The following AK5 variants were observed in gnomAD, a reference collection of about 807,000 sequenced individuals.
AK5 encodes adenylate kinase 5, also known as adenylate kinase isoenzyme 5.
Under a neutral mutation model 69.5 loss-of-function variants are expected in AK5, and 27 were observed. That is an observed-to-expected ratio of 0.39 (90% confidence interval 0.29 to 0.54). The LOEUF is 0.54. Ranked by LOEUF, AK5 falls within the 20% of genes least tolerant of loss-of-function variation. The pLI is 0.71. For synonymous variants in AK5, 260 were observed against 244.4 expected (o/e 1.06, Z -0.60); for missense variants, 531 against 700.4 (o/e 0.76, Z 2.73).
intron 5 of AK5, among the ~76,000 whole-genome samples, chr1:77,307,389 A>T (rs930660009): frequency 3.3e-5 from 5 of 151,472 alleles, no homozygotes; most frequent in African/African-American, 1.2e-4. Flanking sequence ...TTGTATAATT[A>T]TATATCACAT....
Position 77,391,349 on chromosome 1 carries a change from TA to T in AK5, c.892-19631del, listed in dbSNP as rs1260721986. Among the ~76,000 whole-genome samples, 5 of 149,722 alleles carry T rather than the reference TA, an allele frequency of 3.3e-5. No individual in the cohort carries two copies. The Admixed American group carries it at 3.4e-4, about 10-fold the overall frequency. On this transcript the variant is annotated intron_variant, in intron 6 of 13. Transcript: ENST00000354567. ...GAGGCATAGGCACATCACCCTGGTA[TA>T]CATTTATTTGTCTGTCTCAGTACTT... is the stretch of plus-strand genomic sequence containing the variant.
intron 5 of AK5, among the ~76,000 whole-genome samples, chr1:77,299,612 G>T (rs1341705088): frequency 6.6e-6 from 1 of 152,100 alleles, no homozygotes; most frequent in East Asian, 1.9e-4. Context: ...AATTGTTCTG[G>T]CTTTGAAGAG....
At chr1:77,388,691 C>T (rs913222163) in intron 6 of AK5, among the ~76,000 whole-genome samples, 4 of 149,762 alleles carry the variant, frequency 2.7e-5, no homozygotes, top group Non-Finnish European at 5.9e-5. Flanking sequence ...TAAAGCCTGA[C>T]ATTTAAGAAA....
At chr1:77,343,215 G>A (rs12125503) in intron 6 of AK5, among the ~76,000 whole-genome samples, 14,493 of 152,128 alleles carry the variant, frequency 0.095, 812 homozygotes, top group Middle Eastern at 0.17. Context: ...GAATAAAATA[G>A]ACTGTCTCCA....
At chr1:77,310,517 C>G (rs911420586) in intron 5 of AK5, among the ~76,000 whole-genome samples, 1 of 151,932 alleles carries the variant, frequency 6.6e-6, no homozygotes, top group African/African-American at 2.4e-5. Flanking sequence ...GTAGCTGGGA[C>G]TACAGGCACT....
intron 1 of AK5, among the ~76,000 whole-genome samples, chr1:77,285,071 T>G (rs1175286878): frequency 6.6e-6 from 1 of 152,190 alleles, no homozygotes; most frequent in East Asian, 1.9e-4. Flanking sequence ...AACATTGAAT[T>G]GAAATCCTGG....
intron 10 of AK5, among the ~76,000 whole-genome samples, chr1:77,507,809 C>G (rs1377942971): frequency 6.6e-6 from 1 of 152,222 alleles, no homozygotes; most frequent in African/African-American, 2.4e-5. Flanking sequence ...ATTATCTAAT[C>G]TAGAAGTTCC....
intron 10 of AK5, among the ~76,000 whole-genome samples, chr1:77,501,071 T>C (rs2803152): frequency 0.42 from 63,724 of 151,940 alleles, 14,289 homozygotes; most frequent in East Asian, 0.58. Flanking sequence ...AAGCTGAGAA[T>C]CGAGGGGAGT....
chr1:77,526,840 C>G (rs781694252), intron 12 of AK5, among the ~76,000 whole-genome samples: 2 of 151,250 alleles, frequency 1.3e-5, no homozygotes, highest in Admixed American at 1.3e-4. Context: ...CTCAAATGAT[C>G]GAGGACAAGA....
chr1:77,558,850 C>T lies in AK5; in HGVS notation c.*180C>T. The T allele has an allele frequency of 1.7e-6, 1 of 595,508 alleles. No individual in the cohort carries two copies. The allele number at this position is 595,508 out of a possible 1,614,324, so 36.9% of individuals were successfully genotyped here. Reference sequence around the variant, plus strand: ...GTGTGAGAGGTGTCTGGAAATCATGCATGGTGTATTTGGGACTATATCAAC... The same window carrying T: ...GTGTGAGAGGTGTCTGGAAATCATGTATGGTGTATTTGGGACTATATCAAC... On this transcript the variant is annotated 3_prime_UTR_variant, in exon 14 of 14. Coordinates refer to ENST00000354567, the MANE Select transcript of AK5 (RefSeq NM_174858.3).
chr1:77,348,083 A>T (rs1322896075), intron 6 of AK5, among the ~76,000 whole-genome samples: 5 of 152,222 alleles, frequency 3.3e-5, no homozygotes, highest in African/African-American at 7.2e-5. Context: ...AGAACTTTAA[A>T]AATGAACAAC....
intron 5 of AK5, among the ~76,000 whole-genome samples, chr1:77,310,161 A>T (rs572499409): frequency 6.6e-6 from 1 of 152,222 alleles, no homozygotes; most frequent in Admixed American, 6.5e-5. Flanking sequence ...GGAAATGAAA[A>T]ATGTATTCAG....
intron 6 of AK5, among the ~76,000 whole-genome samples, chr1:77,372,831 G>T (rs1378827838): frequency 6.6e-6 from 1 of 151,962 alleles, no homozygotes; most frequent in Non-Finnish European, 1.5e-5. Flanking sequence ...ATGAGTTAGT[G>T]CCAAATATTT....
chr1:77,438,659 A>G (rs1652121090), intron 8 of AK5, among the ~76,000 whole-genome samples: 1 of 152,174 alleles, frequency 6.6e-6, no homozygotes, highest in Non-Finnish European at 1.5e-5. Flanking sequence ...GCATAACCAG[A>G]CCAAAATGAA....
intron 10 of AK5, among the ~76,000 whole-genome samples, chr1:77,510,680 C>T (rs982415913): frequency 4.6e-5 from 7 of 151,746 alleles, no homozygotes; most frequent in Non-Finnish European, 7.4e-5. Context: ...AAAAAGAGAG[C>T]GTCAAGTTCT....
At chr1:77,511,474 T>C (rs1341204135) in intron 10 of AK5, among the ~76,000 whole-genome samples, 1 of 152,132 alleles carries the variant, frequency 6.6e-6, no homozygotes, top group Non-Finnish European at 1.5e-5. Flanking sequence ...AATGAGACAG[T>C]CTTCATCTTA....
intron 12 of AK5, chr1:77,532,051 C>T (rs1043169601): frequency 1.3e-5 from 2 of 152,126 alleles, no homozygotes; most frequent in African/African-American, 4.8e-5. Flanking sequence ...ACCTGGAGCT[C>T]TGCGCACGCG....
At chr1:77,352,403 A>G (rs1283441701) in intron 6 of AK5, among the ~76,000 whole-genome samples, 1 of 152,226 alleles carries the variant, frequency 6.6e-6, no homozygotes, top group African/African-American at 2.4e-5. Context: ...GGTCAGGAAC[A>G]TGCCATAAAG....
intron 12 of AK5, chr1:77,532,023 C>A (rs974353782): frequency 6.7e-6 from 1 of 149,622 alleles, no homozygotes; most frequent in African/African-American, 2.4e-5. Flanking sequence ...GAGTGCGGGG[C>A]TCGCGGAATC....
Sources: allele counts gnomAD v4.1 joint callset (sites outside exome capture counted in the v4.1 genomes callset), GRCh38; gene constraint gnomAD v4.1.1; transcripts MANE v1.5; gene names NCBI Gene and HGNC (gene_info 2026-07-23, HGNC 2026-07-21).